MX2: variants seen among roughly 807,000 people sequenced by gnomAD.
MX2 encodes the protein MX dynamin like GTPase 2.
Under a neutral mutation model 74.0 loss-of-function variants are expected in MX2, and 51 were observed. The ratio of observed to expected loss-of-function variants is 0.69; its 90% CI spans 0.55 to 0.87. MX2 has a LOEUF of 0.87. MX2 is among the 40% of genes least tolerant of loss of function. MX2 has a pLI of 0.00. For synonymous variants in MX2, 369 were observed against 339.3 expected (o/e 1.09, Z -0.96); for missense variants, 832 against 908.7 (o/e 0.92, Z 1.09).
At position 41,388,207 on chromosome 21, in the gene MX2, C is replaced by T. The variant is rs1282521140; in HGVS notation, c.733-2358C>T. Among the ~76,000 whole-genome samples, 2 of 152,192 alleles carry T rather than the reference C, an allele frequency of 1.3e-5. No individual in the cohort carries two copies. The highest frequency in any genetic ancestry group is 1.9e-4 in the East Asian group (1 of 5,194). ...TGCTATCATCCTTAAAGTTCCCCAG[C>T]GGCTCCCATGTCAATCAGTGTAAAA... On this transcript the variant is annotated intron_variant, in intron 5 of 13. Coordinates refer to ENST00000330714, the MANE Select transcript of MX2 (RefSeq NM_002463.2). The surrounding 1 kb of genome is among the most constrained non-coding windows in gnomAD (Gnocchi z 4.0).
At chr21:41,393,710 A>G (rs1282700825) in intron 6 of MX2, among the ~76,000 whole-genome samples, 1 of 146,858 alleles carries the variant, frequency 6.8e-6, no homozygotes, top group Non-Finnish European at 1.5e-5. Flanking sequence ...TCCCATCTAC[A>G]TGCCAGTGAC....
chr21:41,403,479 C>A, intron 12 of MX2, 136 bp downstream of exon 12: 1 of 833,742 alleles, frequency 1.2e-6, no homozygotes. Flanking sequence ...GCAGGGCTGG[C>A]GGGGCTGGTG....
intron 5 of MX2, among the ~76,000 whole-genome samples, chr21:41,384,219 G>T (rs572453257): frequency 6.6e-6 from 1 of 152,186 alleles, no homozygotes; most frequent in Non-Finnish European, 1.5e-5. Flanking sequence ...GGAACTGCGA[G>T]TCAGTTAAAC....
intron 2 of MX2, among the ~76,000 whole-genome samples, chr21:41,377,452 C>T (rs2089421580): frequency 2.0e-5 from 3 of 152,178 alleles, no homozygotes. Flanking sequence ...TTGCCACCCT[C>T]CCCAGCTCTG....
chr21:41,408,284 G>A lies in MX2; in HGVS notation c.*51G>A, dbSNP rs1236833207. The A allele has an allele frequency of 6.3e-7, 1 of 1,597,412 alleles. No individual in the cohort carries two copies. Among genetic ancestry groups the A allele is most frequent in the African/African-American group, 1.3e-5 (1 of 74,442 alleles). ...TCTTGTGCGTACTCATTCATTCTAA[G>A]GGGAGTCGGTGCAGGATGCCGCTTC... On this transcript the variant is annotated 3_prime_UTR_variant, in exon 14 of 14. Transcript: ENST00000330714.
At chr21:41,389,558 A>G (rs771865803) in intron 5 of MX2, 4 of 152,318 alleles carry the variant, frequency 2.6e-5, no homozygotes, top group South Asian at 4.1e-4. Context: ...ACGTACATAC[A>G]TACATACATA....
chr21:41,401,269 T>A (rs186194068), intron 10 of MX2: 1 of 152,384 alleles, frequency 6.6e-6, no homozygotes, highest in East Asian at 1.9e-4. Flanking sequence ...TCATTGTGTG[T>A]GTGCTGTTGT....
At chr21:41,395,309 A>G (rs1332040533) in intron 6 of MX2, among the ~76,000 whole-genome samples, 1 of 152,212 alleles carries the variant, frequency 6.6e-6, no homozygotes, top group Non-Finnish European at 1.5e-5. Flanking sequence ...CTAACCATGC[A>G]TGCTGCCTTA....
chr21:41,391,141 C>T (rs1409344831), intron 6 of MX2, among the ~76,000 whole-genome samples: 2 of 152,046 alleles, frequency 1.3e-5, no homozygotes, highest in Non-Finnish European at 2.9e-5. Flanking sequence ...TGCTATTGTT[C>T]TTGTTCCTTA....
chr21:41,397,798 C>A, intron 8 of MX2, 107 bp downstream of exon 8: 2 of 895,518 alleles, frequency 2.2e-6, no homozygotes, highest in Non-Finnish European at 3.6e-6. Context: ...AACAAGCAAA[C>A]AAGTACCCTC....
intron 3 of MX2, 144 bp downstream of exon 3, chr21:41,378,125 A>G (rs1274798593): frequency 7.5e-6 from 8 of 1,070,860 alleles, no homozygotes; most frequent in Middle Eastern, 6.3e-4. Context: ...GAGGCCGCTG[A>G]GAGAGACAGG....
Position 41,408,576 on chromosome 21 carries a change from T to C in MX2, c.*343T>C, listed in dbSNP as rs1414664207. Reference sequence around the variant, plus strand: ...TATGAGACCCCAGAGGGGGAAGGTCTGGGTCAAATTCTTCTTTTGTATGTC... The same window carrying C: ...TATGAGACCCCAGAGGGGGAAGGTCCGGGTCAAATTCTTCTTTTGTATGTC... On this transcript the variant is annotated 3_prime_UTR_variant, in exon 14 of 14. Coordinates refer to ENST00000330714, the MANE Select transcript of MX2 (RefSeq NM_002463.2). 1 of 254,206 alleles carries C rather than the reference T, an allele frequency of 3.9e-6. No homozygotes were observed. Among genetic ancestry groups the C allele is most frequent in the Non-Finnish European group, 7.5e-6 (1 of 132,540 alleles). The allele number at this position is 254,206 out of a possible 1,614,324, so 15.7% of individuals were successfully genotyped here. A position where few individuals can be genotyped will look rare whatever the true frequency, so the allele number is the denominator to read the frequency against.
intron 10 of MX2, chr21:41,399,819 CA>C (rs1325888146): frequency 1.9e-5 from 3 of 155,316 alleles, no homozygotes; most frequent in African/African-American, 4.8e-5. Context: ...CCACCTGCCT[CA>C]GCCTCCCAAA....
Position 41,408,278 on chromosome 21 carries a change from T to C in MX2, c.*45T>C, listed in dbSNP as rs755100529. On this transcript the variant is annotated 3_prime_UTR_variant, in exon 14 of 14. Transcript: ENST00000330714. ...TTGTTTTCTTGTGCGTACTCATTCATTCTAAGGGGAGTCGGTGCAGGATGC... is the reference window on the plus strand; with the variant it reads ...TTGTTTTCTTGTGCGTACTCATTCACTCTAAGGGGAGTCGGTGCAGGATGC... 6.2e-7 allele frequency: 1 copy of C among 1,602,074 alleles called. No individual in the cohort carries two copies. Among genetic ancestry groups the C allele is most frequent in the Non-Finnish European group, 8.5e-7 (1 of 1,173,372 alleles).
In MX2 at chr21:41,376,903, G is replaced by C; in HGVS notation, c.-4G>C. Reference sequence around the variant, plus strand: ...ATCCCCCAGCTCTGACAGGGAGACAGCACATGTCTAAGGCCCACAAGCCTT... The same window carrying C: ...ATCCCCCAGCTCTGACAGGGAGACACCACATGTCTAAGGCCCACAAGCCTT... On this transcript the variant is annotated 5_prime_UTR_variant, in exon 2 of 14. Transcript: ENST00000330714. 1 of 1,613,646 alleles carries C rather than the reference G, an allele frequency of 6.2e-7. No individual in the cohort carries two copies. Among genetic ancestry groups the C allele is most frequent in the South Asian group, 1.1e-5 (1 of 91,074 alleles).
intron 1 of MX2, among the ~76,000 whole-genome samples, chr21:41,374,440 C>T (rs1323930741): frequency 2.0e-5 from 3 of 152,326 alleles, no homozygotes; most frequent in South Asian, 2.1e-4. Context: ...GGATCCCGGG[C>T]GGCAGGAGTA....
chr21:41,390,823 G>C, intron 6 of MX2, 120 bp downstream of exon 6: 1 of 1,097,862 alleles, frequency 9.1e-7, no homozygotes, highest in East Asian at 2.7e-5. Flanking sequence ...GGCTAATCCG[G>C]TGAAACCTCG....
intron 6 of MX2, among the ~76,000 whole-genome samples, chr21:41,393,494 T>G (rs2089691229): frequency 1.3e-5 from 2 of 151,862 alleles, no homozygotes; most frequent in South Asian, 4.2e-4. Context: ...TGAACCTCCC[T>G]CCTTCCTGAA....
chr21:41,402,385 T>TGC lies in MX2; in HGVS notation c.1573+258_1573+259dup, dbSNP rs2089826094. Among the ~76,000 whole-genome samples the TGC allele has an allele frequency of 6.6e-6, 1 of 152,238 alleles. No homozygotes were observed. Among genetic ancestry groups the TGC allele is most frequent in the African/African-American group, 2.4e-5 (1 of 41,462 alleles). On this transcript the variant is annotated intron_variant, in intron 11 of 13. Coordinates refer to ENST00000330714, the MANE Select transcript of MX2 (RefSeq NM_002463.2). This position sits in a 1 kb window ranked among gnomAD's most constrained non-coding sequence, Gnocchi z 4.5. ...CCAGGAGATGGGGAAGCACACTGAG[T>TGC]GCCATAGGCGTTCCATCGCTGTCCT...
Sources: allele counts gnomAD v4.1 joint callset (sites outside exome capture counted in the v4.1 genomes callset), GRCh38; gene constraint gnomAD v4.1.1; non-coding constraint Gnocchi (gnomAD v3.1); transcripts MANE v1.5; gene names NCBI Gene and HGNC (gene_info 2026-07-23, HGNC 2026-07-21).